APC2: variants seen among roughly 807,000 people sequenced by gnomAD.
APC2 encodes APC regulator of Wnt signaling pathway 2, also known as adenomatous polyposis coli protein 2.
Under a neutral mutation model 72.5 loss-of-function variants are expected in APC2, and 41 were observed. The observed-to-expected ratio is 0.57, with a 90% CI of 0.44 to 0.73. The LOEUF is 0.73. Ranked by LOEUF, APC2 falls within the 30% of genes least tolerant of loss-of-function variation. The pLI is 0.00. For synonymous variants in APC2, 1,898 were observed against 1,612.0 expected (o/e 1.18, Z -4.25); for missense variants, 3,729 against 3,403.4 (o/e 1.10, Z -2.38).
chr19:1,468,870 CA>C lies in APC2; in HGVS notation c.5570del (p.Gln1857ArgfsTer139). ...AKTSELATLSQPPRSATPPAR... is the reference protein window; with the variant it reads ...AKTSELATLSXPPRSATPPAR... The stretch of plus-strand genomic sequence containing the variant: ...GACCTCGGAGCTGGCGACGCTGAGC[CA>C]GCCCCCCAGAAGCGCCACACCGCCC... On this transcript the variant is annotated frameshift_variant, in exon 15 of 15. Transcript: ENST00000590469. LOFTEE classifies it low-confidence loss of function (END_TRUNC). 6.5e-7 allele frequency: 1 copy of C among 1,543,386 alleles called. No individual in the cohort carries two copies. Among genetic ancestry groups the C allele is most frequent in the Non-Finnish European group, 8.7e-7 (1 of 1,152,300 alleles).
chr19:1,454,073 G>A (rs79599518), intron 4 of APC2, among the ~76,000 whole-genome samples: 2,338 of 152,332 alleles, frequency 0.015, 66 homozygotes, highest in African/African-American at 0.048. Flanking sequence ...GAGGGGTCAT[G>A]TGGGGTCAGA....
rs932443125 is a variant in APC2, at chr19:1,466,930, G to A, written c.3629G>A (p.Arg1210Gln). ...CCCGGACAGACCATGCCTCCCAGCC[G>A]GAGCAAGACGCCACCGCTGGCGCCC... ...DSPGQTMPPS[R>Q]SKTPPLAPAP... Residue 1210 changes from arginine to glutamine, a missense_variant, in exon 15 of 15, where the codon CGG (arginine) becomes CAG (glutamine). Arg to Gln is a conservative substitution (Grantham distance 43, BLOSUM62 1). Transcript: ENST00000590469. 6 of 1,596,412 alleles carry A rather than the reference G, an allele frequency of 3.8e-6. No individual in the cohort carries two copies. The highest frequency in any genetic ancestry group is 2.3e-5 in the East Asian group (1 of 44,230).
upstream of APC2, among the ~76,000 whole-genome samples, chr19:1,447,183 C>T (rs1487861881): frequency 6.6e-6 from 1 of 152,308 alleles, no homozygotes; most frequent in Admixed American, 6.5e-5. Context: ...CCCGGCCACC[C>T]AGCCGGCGGC....
Position 1,460,169 on chromosome 19 carries a change from G to A in APC2, c.1304-12G>A, listed in dbSNP as rs749554203. The A allele has an allele frequency of 1.9e-5, 30 of 1,613,006 alleles. No homozygotes were observed. The highest frequency in any genetic ancestry group is 2.4e-5 in the Non-Finnish European group (28 of 1,179,990). On this transcript the variant is annotated splice_polypyrimidine_tract_variant and intron_variant, in intron 10 of 14. Coordinates refer to ENST00000590469, the MANE Select transcript of APC2 (RefSeq NM_005883.3). ...ATCCCTGCCACCCACCAACCTTGTT[G>A]GGTCCTCACAGGTGGGCTGCAGGCC...
chr19:1,456,956 C>T lies in APC2; in HGVS notation c.920C>T (p.Ala307Val). ...AMSSSPESCV[A>V]MRRSGCLPLL... ...TCCAGCTCGCCCGAGAGCTGCGTGGCCATGCGCCGCTCGGGCTGTCTGCCT... is the reference window on the plus strand; with the variant it reads ...TCCAGCTCGCCCGAGAGCTGCGTGGTCATGCGCCGCTCGGGCTGTCTGCCT... The change falls in exon 9 of 15, where the codon GCC (alanine) becomes GTC (valine). Residue 307 changes from alanine to valine, a missense_variant. Physicochemically the swap from Ala to Val is moderately conservative, Grantham distance 64. Coordinates refer to ENST00000590469, the MANE Select transcript of APC2 (RefSeq NM_005883.3). 1.9e-6 allele frequency: 3 copies of T among 1,545,730 alleles called. No individual in the cohort carries two copies. Among genetic ancestry groups the T allele is most frequent in the South Asian group, 2.4e-5 (2 of 84,816 alleles).
chr19:1,463,812 T>C (rs1364643633), intron 14 of APC2, among the ~76,000 whole-genome samples: 1 of 152,068 alleles, frequency 6.6e-6, no homozygotes, highest in Non-Finnish European at 1.5e-5. Flanking sequence ...CAATAGAGAA[T>C]ACTTATTTAT....
upstream of APC2, among the ~76,000 whole-genome samples, chr19:1,448,052 G>A (rs970791831): frequency 3.9e-5 from 6 of 152,124 alleles, no homozygotes; most frequent in African/African-American, 1.4e-4. Context: ...AGAGAGACAT[G>A]CCCAGGGGGA....
chr19:1,455,324 G>T, intron 5 of APC2, 60 bp from the exon 6 acceptor site: 1 of 1,587,804 alleles, frequency 6.3e-7, no homozygotes, highest in East Asian at 2.3e-5. Context: ...GCGGCGTGGG[G>T]GAGGAACGGG....
At chr19:1,453,932 T>C (rs1401854024) in intron 4 of APC2, among the ~76,000 whole-genome samples, 1 of 152,084 alleles carries the variant, frequency 6.6e-6, no homozygotes, top group Non-Finnish European at 1.5e-5. Flanking sequence ...CCGGGCTGTG[T>C]CCGGTGCCAG....
At position 1,467,674 on chromosome 19, in the gene APC2, C is replaced by G. The variant is rs1273537617; in HGVS notation, c.4373C>G (p.Ala1458Gly). ...AGRSAEQSRGAGKNRAGLELP... is the reference protein window; with the variant it reads ...AGRSAEQSRGGGKNRAGLELP... The stretch of plus-strand genomic sequence containing the variant: ...CGCAGCGCGGAGCAGTCTCGGGGCG[C>G]GGGCAAGAACAGAGCAGGGCTGGAG... The change falls in exon 15 of 15, where the codon GCG (alanine) becomes GGG (glycine). Residue 1458 changes from alanine to glycine, a missense_variant. By Grantham distance (60) the Ala-to-Gly change is moderately conservative. Coordinates refer to ENST00000590469, the MANE Select transcript of APC2 (RefSeq NM_005883.3). The G allele has an allele frequency of 2.0e-6, 3 of 1,475,784 alleles. No individual in the cohort carries two copies. In the African/African-American group the frequency reaches 4.4e-5, roughly 22 times the overall value. The allele number at this position is 1,475,784 out of a possible 1,614,324, so 91.4% of individuals were successfully genotyped here.
At position 1,466,233 on chromosome 19, in the gene APC2, C is replaced by T. The variant is rs975751986; in HGVS notation, c.2932C>T (p.Pro978Ser). The T allele has an allele frequency of 9.1e-6, 14 of 1,535,890 alleles. No homozygotes were observed. The highest frequency in any genetic ancestry group is 1.4e-5 in the African/African-American group (1 of 72,554). ...TGACCTGCCCGGCTGCCAGGCCGAG[C>T]CCCCGGCCCGCGAGGCCACCTCCGC... ...DLDLPGCQAE[P>S]PAREATSADA... The change falls in exon 15 of 15, where the codon CCC becomes TCC. Residue 978 changes from proline to serine, a missense_variant. Coordinates refer to ENST00000590469, the MANE Select transcript of APC2 (RefSeq NM_005883.3).
At chr19:1,456,774 G>A in intron 8 of APC2, 79 bp from the exon 9 acceptor site, 1 of 1,506,058 alleles carries the variant, frequency 6.6e-7, no homozygotes, top group Non-Finnish European at 8.9e-7. Flanking sequence ...ACGGGGCAGG[G>A]GTCACAGGGC....
rs145255549 is a variant in APC2, at chr19:1,470,425, C to T, written c.*212C>T. The T allele has an allele frequency of 3.9e-3, 2,746 of 708,558 alleles. 5 individuals are homozygous for T. Among genetic ancestry groups the T allele is most frequent in the Non-Finnish European group, 4.7e-3 (2,202 of 469,052 alleles). The allele number at this position is 708,558 out of a possible 1,614,324, so 43.9% of individuals were successfully genotyped here. A position where few individuals can be genotyped will look rare whatever the true frequency, so the allele number is the denominator to read the frequency against. On this transcript the variant is annotated 3_prime_UTR_variant, in exon 15 of 15. Transcript: ENST00000590469. Reference sequence around the variant, plus strand: ...TGTGCCGCGGAGGTCCAGGAGGAAACGGGGCGGCCGCTAGGCCTCAAGTCC... The same window carrying T: ...TGTGCCGCGGAGGTCCAGGAGGAAATGGGGCGGCCGCTAGGCCTCAAGTCC...
chr19:1,470,208 G>C lies in APC2; in HGVS notation c.6907G>C (p.Glu2303Gln). The C allele has an allele frequency of 6.3e-7, 1 of 1,591,864 alleles. No individual in the cohort carries two copies. The highest frequency in any genetic ancestry group is 8.5e-7 in the Non-Finnish European group (1 of 1,171,460). Residue 2303 changes from glutamate (E) to glutamine (Q), a missense_variant, in exon 15 of 15, where the codon GAA becomes CAA. Coordinates refer to ENST00000590469, the MANE Select transcript of APC2 (RefSeq NM_005883.3). ...GGCCACTGCCTCCGCCACCCTCCTG[G>C]AATAGTGGCCTAGGCCGGCCTTCTG... ...APATASATLL[E>Q]
In APC2 at chr19:1,466,899, G is replaced by A; in HGVS notation, c.3598G>A (p.Asp1200Asn). ...CACCATCAGCCCTAGCGAGCTGCCCGACAGCCCCGGACAGACCATGCCTCC... is the reference window on the plus strand; with the variant it reads ...CACCATCAGCCCTAGCGAGCTGCCCAACAGCCCCGGACAGACCATGCCTCC... Reference protein sequence around the residue: ...SGTISPSELPDSPGQTMPPSR... With the variant: ...SGTISPSELPNSPGQTMPPSR... The change falls in exon 15 of 15, where the codon GAC becomes AAC. Residue 1200 changes from aspartate to asparagine, a missense_variant. By Grantham distance (23) the Asp-to-Asn change is conservative. Transcript: ENST00000590469. 5 of 1,578,846 alleles carry A rather than the reference G, an allele frequency of 3.2e-6. No individual in the cohort carries two copies. Among genetic ancestry groups the A allele is most frequent in the Non-Finnish European group, 4.3e-6 (5 of 1,163,360 alleles).
In APC2 at chr19:1,465,515, G is replaced by C; in HGVS notation, c.2214G>C (p.Ala738=). 6.5e-7 allele frequency: 1 copy of C among 1,526,718 alleles called. No homozygotes were observed. Among genetic ancestry groups the C allele is most frequent in the African/African-American group, 1.4e-5 (1 of 71,980 alleles). The allele number at this position is 1,526,718 out of a possible 1,614,324, so 94.6% of individuals were successfully genotyped here. A position where few individuals can be genotyped will look rare whatever the true frequency, so the allele number is the denominator to read the frequency against. Residue 738 remains alanine (A), a synonymous_variant, in exon 15 of 15, where the codon GCG becomes GCC. Transcript: ENST00000590469. The part of the protein sequence containing the change: ...AELDARHLAQ[A]LEHLEKQGPP... The stretch of plus-strand genomic sequence containing the variant: ...TGGACGCACGGCACCTCGCGCAGGC[G>C]CTGGAGCACCTGGAGAAGCAGGGCC...
In APC2 at chr19:1,452,485, G is replaced by GC. The variant is rs2083755392; in HGVS notation, c.-18-495dup. On this transcript the variant is annotated intron_variant, in intron 1 of 14. Transcript: ENST00000590469. This position sits in a 1 kb window ranked among gnomAD's most constrained non-coding sequence, Gnocchi z 5.1. ...GGCAGGGACAGCTGGTGGTCTGTCC[G>GC]CCCCGCGTGTCTGGCTGTCAGCCTC... 1 of 162,570 alleles carries GC rather than the reference G, an allele frequency of 6.2e-6. No individual in the cohort carries two copies. The highest frequency in any genetic ancestry group is 1.3e-5 in the Non-Finnish European group (1 of 75,998). 10.1% of individuals were successfully genotyped at this position (162,570 alleles called of 1,614,324 possible).
chr19:1,461,335 T>C (rs879690489), intron 13 of APC2, 182 bp downstream of exon 13: 5 of 620,114 alleles, frequency 8.1e-6, no homozygotes, highest in African/African-American at 1.8e-5. Context: ...AAAGCAAATG[T>C]GGGCTGGGCG....
In APC2 at chr19:1,454,606, C is replaced by G. The variant is rs1005045657; in HGVS notation, c.414-543C>G. Among the ~76,000 whole-genome samples, 15 of 148,880 alleles carry G rather than the reference C, an allele frequency of 1.0e-4. 1 individual carries two copies. The highest frequency in any genetic ancestry group is 9.9e-4 in the Admixed American group (15 of 15,078). Reference sequence around the variant, plus strand: ...TGAGACGGAGTCTCGCTCTGTCGCCCAAGCTGGAGTGCAGTGGCGCGATCT... The same window carrying G: ...TGAGACGGAGTCTCGCTCTGTCGCCGAAGCTGGAGTGCAGTGGCGCGATCT... On this transcript the variant is annotated intron_variant, in intron 4 of 14. Transcript: ENST00000590469.
Sources: gnomAD v4.1 joint callset for allele counts (sites outside exome capture counted in the v4.1 genomes callset) on GRCh38, gnomAD v4.1.1 for gene constraint, Gnocchi (gnomAD v3.1) non-coding constraint, MANE v1.5 for transcripts, NCBI Gene and HGNC (gene_info 2026-07-23, HGNC 2026-07-21) for gene names.